The following GNL3L variants were observed in gnomAD, a reference collection of about 807,000 sequenced individuals.
The protein encoded by GNL3L is guanine nucleotide-binding protein-like 3-like protein.
In GNL3L, 4 loss-of-function variants were observed where a neutral mutation model predicts 42.9. The observed-to-expected ratio is 0.09, with a 90% CI of 0.05 to 0.21. The LOEUF is 0.21. Among genes scored for constraint, GNL3L ranks in the 10% least tolerant of loss-of-function variants. The pLI, the probability that GNL3L is intolerant of heterozygous loss-of-function variation, is 1.00. For missense variants in GNL3L, 412 were observed against 481.7 expected, an observed-to-expected ratio of 0.86 and a Z score of 1.36; for synonymous variants, 159 against 176.3, an observed-to-expected ratio of 0.90 and a Z score of 0.78.
intron 16 of GNL3L, among the ~76,000 whole-genome samples, chrX:54,583,020 C>T (rs1264689560): frequency 9.0e-6 from 1 of 111,386 alleles, no homozygotes; most frequent in African/African-American, 3.3e-5. Flanking sequence ...TTATTATTTA[C>T]TCTGGAGTCT....
intron 16 of GNL3L, among the ~76,000 whole-genome samples, chrX:54,610,290 C>T (rs970113333): frequency 2.7e-5 from 3 of 111,174 alleles, no homozygotes; most frequent in African/African-American, 9.8e-5. Context: ...ATCATATCGT[C>T]AGCAAACAGT....
chrX:54,571,407 GGATGGT>G (rs1925541326), downstream of GNL3L, among the ~76,000 whole-genome samples: 1 of 108,616 alleles, frequency 9.2e-6, no homozygotes, highest in African/African-American at 3.4e-5. Context: ...GTGTTAGCCA[GGATGGT>G]CTCGATCTCC....
chrX:54,561,704 A>G lies in GNL3L; in HGVS notation c.*1102A>G, dbSNP rs988616620. ...CCTATTGCACCAGCATTTGAATTCC[A>G]TGGCTCAAGAGGGTTCTGGTACCAT... On this transcript the variant is annotated 3_prime_UTR_variant, in exon 16 of 16. Coordinates refer to ENST00000360845, the MANE Select transcript of GNL3L (RefSeq NM_001184819.2). 3.6e-5 allele frequency among the ~76,000 whole-genome samples: 4 copies of G among 111,783 alleles called. No homozygotes were observed. The highest frequency in any genetic ancestry group is 7.5e-5 in the Non-Finnish European group (4 of 53,127).
intron 16 of GNL3L, among the ~76,000 whole-genome samples, chrX:54,583,644 T>C (rs1247397388): frequency 9.3e-6 from 1 of 107,486 alleles, no homozygotes; most frequent in Non-Finnish European, 1.9e-5. Context: ...TTGATGTTTA[T>C]ATAATAATTT....
chrX:54,592,025 T>C (rs1347307324), intron 16 of GNL3L, among the ~76,000 whole-genome samples: 1 of 111,986 alleles, frequency 8.9e-6, no homozygotes, highest in Non-Finnish European at 1.9e-5. Context: ...TATAGATATC[T>C]TTCACTTCTT....
At chrX:54,642,579 C>T in the GNL3L span, among the ~76,000 whole-genome samples, 1 of 110,691 alleles carries the variant, frequency 9.0e-6, no homozygotes, top group African/African-American at 3.3e-5. Flanking sequence ...AACAGAGAGT[C>T]CCTTCTCTTT....
intron 2 of GNL3L, among the ~76,000 whole-genome samples, chrX:54,532,809 C>T (rs1170725157): frequency 9.0e-6 from 1 of 111,042 alleles, no homozygotes; most frequent in Non-Finnish European, 1.9e-5. Context: ...TAGGTGTGTG[C>T]CACCATGCCA....
chrX:54,535,406 C>T (rs952850847), intron 2 of GNL3L, among the ~76,000 whole-genome samples: 14 of 111,670 alleles, frequency 1.3e-4, no homozygotes, highest in Admixed American at 1.9e-4. Flanking sequence ...TGTGAGCCAC[C>T]GTGCACGGCT....
At chrX:54,559,939 A>G (rs1399320693) in intron 15 of GNL3L, among the ~76,000 whole-genome samples, 1 of 111,652 alleles carries the variant, frequency 9.0e-6, no homozygotes, top group African/African-American at 3.3e-5. Context: ...AGGAGACAAG[A>G]AAACAGACCT....
intron 1 of GNL3L, among the ~76,000 whole-genome samples, chrX:54,530,701 TCCA>T (rs771007225): frequency 6.9e-4 from 77 of 111,794 alleles, no homozygotes; most frequent in African/African-American, 2.4e-3. Context: ...ATGGGGGACA[TCCA>T]CCCCAACCGT....
At chrX:54,639,491 C>T in the GNL3L span, among the ~76,000 whole-genome samples, 1 of 111,929 alleles carries the variant, frequency 8.9e-6, no homozygotes, top group African/African-American at 3.2e-5. Context: ...GGCTTCGATT[C>T]TCACTCTTGG....
At chrX:54,580,885 AT>A (rs1925705794) in intron 16 of GNL3L, among the ~76,000 whole-genome samples, 1 of 112,027 alleles carries the variant, frequency 8.9e-6, no homozygotes, top group African/African-American at 3.2e-5. Flanking sequence ...GGTTCAAGTG[AT>A]TCTCCTGCCT....
At chrX:54,538,550 C>T (rs1005395935) in intron 2 of GNL3L, among the ~76,000 whole-genome samples, 26 of 110,551 alleles carry the variant, frequency 2.4e-4, no homozygotes, top group Non-Finnish European at 4.4e-4. Context: ...CTGAGGGAGG[C>T]GGCAGCATTT....
downstream of GNL3L, among the ~76,000 whole-genome samples, chrX:54,571,205 T>G (rs1304799520): frequency 2.8e-5 from 3 of 106,973 alleles, no homozygotes; most frequent in Non-Finnish European, 5.8e-5. Context: ...TTTTTTTTTT[T>G]TTTTTTGAGA....
chrX:54,591,293 A>G (rs1395955561), intron 16 of GNL3L, among the ~76,000 whole-genome samples: 1 of 110,827 alleles, frequency 9.0e-6, no homozygotes, highest in African/African-American at 3.3e-5. Context: ...GCACCTTTGT[A>G]AAAAATGAGT....
chrX:54,573,577 T>G (rs1925591083), intron 16 of GNL3L, among the ~76,000 whole-genome samples: 1 of 110,912 alleles, frequency 9.0e-6, no homozygotes, highest in African/African-American at 3.3e-5. Flanking sequence ...TCTCGGTAGT[T>G]TCTATTTTAT....
chrX:54,555,165 A>G (rs1246774793), intron 14 of GNL3L, among the ~76,000 whole-genome samples: 2 of 109,611 alleles, frequency 1.8e-5, no homozygotes, highest in Non-Finnish European at 3.8e-5. Flanking sequence ...GGCATGCGCC[A>G]CGACACCCGG....
chrX:54,541,734 A>G lies in GNL3L; in HGVS notation c.306+345A>G, dbSNP rs190044744. Among the ~76,000 whole-genome samples the G allele has an allele frequency of 4.6e-3, 506 of 110,754 alleles. 4 individuals carry two copies. The highest frequency in any genetic ancestry group is 0.016 in the African/African-American group (476 of 30,481). Reference sequence around the variant, plus strand: ...GAAAGTATGAGGAGAGGATTGAGAGACAGAGAGGAGCATATGTGAGGGGAT... The same window carrying G: ...GAAAGTATGAGGAGAGGATTGAGAGGCAGAGAGGAGCATATGTGAGGGGAT... On this transcript the variant is annotated intron_variant, in intron 5 of 15. Transcript: ENST00000360845.
At chrX:54,631,416 G>A in the GNL3L span, among the ~76,000 whole-genome samples, 1 of 110,579 alleles carries the variant, frequency 9.0e-6, no homozygotes, top group African/African-American at 3.3e-5. Context: ...AGGTCTAGTA[G>A]TAATTGTTTT....
Sources: allele counts gnomAD v4.1 joint callset (sites outside exome capture counted in the v4.1 genomes callset), GRCh38; gene constraint gnomAD v4.1.1; transcripts MANE v1.5; gene names NCBI Gene and HGNC (gene_info 2026-07-23, HGNC 2026-07-21).